Variants in RFX3 observed in about 807,000 individuals in gnomAD.
RFX3 encodes regulatory factor X3.
A neutral mutation model predicts 98.6 loss-of-function variants in RFX3; 14 were observed. The observed-to-expected ratio is 0.14, with a 90% confidence interval of 0.09 to 0.22. RFX3 has a LOEUF of 0.22. Ranked by LOEUF, RFX3 falls within the 10% of genes least tolerant of loss-of-function variation. RFX3 has a pLI of 1.00. For synonymous variants in RFX3, 383 were observed against 328.4 expected (o/e 1.17, Z -1.80); for missense variants, 639 against 926.9 (o/e 0.69, Z 4.03).
intron 15 of RFX3, among the ~76,000 whole-genome samples, chr9:3,242,801 T>C (rs934612012): frequency 1.3e-5 from 2 of 152,124 alleles, no homozygotes; most frequent in Admixed American, 6.5e-5. Flanking sequence ...TTTTTCTCTA[T>C]TACTGAAATA....
At position 3,301,581 on chromosome 9, in the gene RFX3, G is replaced by C. The variant is rs1356899030; in HGVS notation, c.514C>G (p.Leu172Val). The C allele has an allele frequency of 2.5e-6, 4 of 1,601,768 alleles. No homozygotes were observed. The highest frequency in any genetic ancestry group is 2.6e-6 in the Non-Finnish European group (3 of 1,171,476). Reference sequence around the variant, plus strand: ...AGAAGAGAGCTTCTGTGAGTGGACAGACCGTCAGACTTTTGCAGCGTCTCA... The same window carrying C: ...AGAAGAGAGCTTCTGTGAGTGGACACACCGTCAGACTTTTGCAGCGTCTCA... ...AIETLQKSDG[L>V]STHRSSLLNS... Residue 172 changes from leucine (L) to valine (V), a missense_variant, in exon 5 of 17, where the codon CTG (leucine) becomes GTG (valine). This residue lies in a region of RFX3 where 16 missense variants were observed against 30.0 expected (regional missense o/e 0.53). Coordinates refer to ENST00000617270, the MANE Select transcript of RFX3 (RefSeq NM_001282116.2).
intron 1 of RFX3, among the ~76,000 whole-genome samples, chr9:3,477,565 G>A (rs1294453356): frequency 1.3e-5 from 2 of 152,142 alleles, no homozygotes; most frequent in Admixed American, 1.3e-4. Flanking sequence ...CTTGTAACAA[G>A]TCATTTTTCT....
At chr9:3,289,662 A>G (rs1409689073) in intron 6 of RFX3, among the ~76,000 whole-genome samples, 1 of 152,070 alleles carries the variant, frequency 6.6e-6, no homozygotes, top group Non-Finnish European at 1.5e-5. Context: ...ACAAATTAAC[A>G]TTTTAATTGG....
intron 1 of RFX3, among the ~76,000 whole-genome samples, chr9:3,404,116 TG>T (rs1564055810): frequency 2.0e-5 from 3 of 152,188 alleles, no homozygotes. Context: ...CCATTTTAAA[TG>T]TACAATATCT....
At chr9:3,473,281 T>A (rs1357813812) in intron 1 of RFX3, among the ~76,000 whole-genome samples, 1 of 152,110 alleles carries the variant, frequency 6.6e-6, no homozygotes, top group Non-Finnish European at 1.5e-5. Flanking sequence ...TGCTACAGAG[T>A]TTCCCCTTTG....
chr9:3,394,697 G>T (rs747925971), intron 2 of RFX3: 24 of 351,818 alleles, frequency 6.8e-5, no homozygotes, highest in Non-Finnish European at 7.6e-5. Flanking sequence ...TTGCTAAAGA[G>T]TCTCTTTAAT....
chr9:3,438,528 T>A (rs779697507), intron 1 of RFX3, among the ~76,000 whole-genome samples: 1 of 151,874 alleles, frequency 6.6e-6, no homozygotes, highest in Non-Finnish European at 1.5e-5. Context: ...AGGAACCATA[T>A]CAAAAATAAT....
At chr9:3,426,754 G>A (rs931116256) in intron 1 of RFX3, among the ~76,000 whole-genome samples, 2 of 152,160 alleles carry the variant, frequency 1.3e-5, no homozygotes, top group Non-Finnish European at 2.9e-5. Flanking sequence ...GTCACCCCCA[G>A]ATGGGACTGT....
chr9:3,452,596 T>C (rs998488687), intron 1 of RFX3, among the ~76,000 whole-genome samples: 1 of 152,106 alleles, frequency 6.6e-6, no homozygotes, highest in African/African-American at 2.4e-5. Flanking sequence ...AATAAATTCA[T>C]GTTAACACCA....
intron 1 of RFX3, among the ~76,000 whole-genome samples, chr9:3,481,617 A>T (rs1324382742): frequency 6.6e-6 from 1 of 152,042 alleles, no homozygotes; most frequent in African/African-American, 2.4e-5. Flanking sequence ...TAAAACAAAA[A>T]GAATCATATT....
At chr9:3,496,847 C>T (rs1255728917) in intron 1 of RFX3, among the ~76,000 whole-genome samples, 1 of 151,964 alleles carries the variant, frequency 6.6e-6, no homozygotes, top group Non-Finnish European at 1.5e-5. Context: ...AAAAATTACA[C>T]TAAATATGTA....
chr9:3,459,331 T>C (rs535021705), intron 1 of RFX3, among the ~76,000 whole-genome samples: 43 of 152,262 alleles, frequency 2.8e-4, no homozygotes, highest in African/African-American at 9.9e-4. Context: ...CAAAGGAATT[T>C]TACCAAAGGG....
chr9:3,408,989 A>G (rs1842232696), intron 1 of RFX3, among the ~76,000 whole-genome samples: 1 of 152,332 alleles, frequency 6.6e-6, no homozygotes, highest in South Asian at 2.1e-4. Context: ...GTTAACAGCT[A>G]CTTGTACTGA....
intron 14 of RFX3, among the ~76,000 whole-genome samples, chr9:3,251,113 T>A (rs1381068394): frequency 6.6e-6 from 1 of 152,192 alleles, no homozygotes; most frequent in Admixed American, 6.5e-5. Flanking sequence ...GTATGAGGCA[T>A]AAACATAATG....
intron 4 of RFX3, among the ~76,000 whole-genome samples, chr9:3,321,689 T>G (rs1831339387): frequency 6.6e-6 from 1 of 152,202 alleles, no homozygotes; most frequent in Admixed American, 6.5e-5. Context: ...AGCAGGATGT[T>G]TTCACCTTTA....
At chr9:3,314,058 G>C (rs554146301) in intron 4 of RFX3, among the ~76,000 whole-genome samples, 2 of 152,192 alleles carry the variant, frequency 1.3e-5, no homozygotes, top group East Asian at 1.9e-4. Context: ...ACAACTCCAA[G>C]ACACATAATT....
At chr9:3,400,591 T>C (rs536855954) in intron 1 of RFX3, among the ~76,000 whole-genome samples, 27 of 152,344 alleles carry the variant, frequency 1.8e-4, no homozygotes, top group African/African-American at 6.3e-4. Flanking sequence ...TTTTCCTTCA[T>C]AGACACAATT....
intron 4 of RFX3, among the ~76,000 whole-genome samples, chr9:3,307,002 GT>G (rs1829403329): frequency 6.6e-6 from 1 of 152,014 alleles, no homozygotes. Flanking sequence ...TTCCTGTGCT[GT>G]TTTCCTGATA....
intron 15 of RFX3, among the ~76,000 whole-genome samples, chr9:3,232,483 C>T (rs1266222797): frequency 2.0e-5 from 3 of 152,170 alleles, no homozygotes; most frequent in Non-Finnish European, 4.4e-5. Flanking sequence ...ATATGTCTTC[C>T]CAACCAAAAT....
Sources: allele counts gnomAD v4.1 joint callset (sites outside exome capture counted in the v4.1 genomes callset), GRCh38; gene constraint gnomAD v4.1.1; regional missense constraint gnomAD v4.1.1; transcripts MANE v1.5; gene names NCBI Gene and HGNC (gene_info 2026-07-23, HGNC 2026-07-21).